Variants in PARP6 observed in about 807,000 individuals in gnomAD.
PARP6 encodes the protein protein mono-ADP-ribosyltransferase PARP6.
A neutral mutation model predicts 92.0 loss-of-function variants in PARP6; 27 were observed. That is an observed-to-expected ratio of 0.29 (90% CI 0.22 to 0.40). PARP6 has a LOEUF of 0.40. Ranked by LOEUF, PARP6 falls within the 10% of genes least tolerant of loss-of-function variation. The pLI, the probability that PARP6 is intolerant of heterozygous loss-of-function variation, is 1.00. For missense variants in PARP6, 501 were observed against 784.5 expected, an observed-to-expected ratio of 0.64 and a Z score of 4.32; for synonymous variants, 272 against 281.2, an observed-to-expected ratio of 0.97 and a Z score of 0.33.
intron 2 of PARP6, among the ~76,000 whole-genome samples, chr15:72,268,078 G>A (rs2086845902): frequency 1.3e-5 from 2 of 152,212 alleles, no homozygotes; most frequent in Admixed American, 6.5e-5. Context: ...TATACATACA[G>A]ATACTTGCAT....
At chr15:72,268,794 T>A (rs916905874) in intron 2 of PARP6, among the ~76,000 whole-genome samples, 1 of 152,228 alleles carries the variant, frequency 6.6e-6, no homozygotes, top group African/African-American at 2.4e-5. Context: ...TCTTGGAACC[T>A]GCTTCCCAAA....
Position 72,256,546 on chromosome 15 carries a change from G to A in PARP6, c.1044C>T (p.Ser348=). 1 of 1,591,756 alleles carries A rather than the reference G, an allele frequency of 6.3e-7. No individual in the cohort carries two copies. The highest frequency in any genetic ancestry group is 8.5e-7 in the Non-Finnish European group (1 of 1,170,246). Residue 348 remains serine (S), a synonymous_variant, in exon 14 of 24, where the codon TCC becomes TCT. Coordinates refer to ENST00000569795, the MANE Select transcript of PARP6 (RefSeq NM_001323532.2). ...LVAMCRAALE[S]PRKSIIFEPY... ...GCTCAAAGATGATGCTCTTTCTAGG[G>A]GACTCTAAAGCTGCCCTACACATGG...
intron 7 of PARP6, 71 bp downstream of exon 7, chr15:72,265,010 C>T: frequency 9.9e-7 from 1 of 1,012,514 alleles, no homozygotes; most frequent in East Asian, 2.4e-5. Flanking sequence ...TTTTTTTCTA[C>T]CTCAGTTAAC....
intron 11 of PARP6, among the ~76,000 whole-genome samples, chr15:72,258,479 AGAT>A (rs1380573442): frequency 3.9e-5 from 6 of 152,262 alleles, no homozygotes; most frequent in Non-Finnish European, 8.8e-5. Context: ...GCAAGAAATG[AGAT>A]GATGTCCATG....
At position 72,267,555 on chromosome 15, in the gene PARP6, C is replaced by G; in HGVS notation, c.-78G>C. On this transcript the variant is annotated 5_prime_UTR_variant, in exon 3 of 24. Transcript: ENST00000569795. ...ATACCACTAGCCGAACCAAGGCCAA[C>G]GAGATGGGCATTTAGGAGACCACAA... 1 of 1,505,056 alleles carries G rather than the reference C, an allele frequency of 6.6e-7. No individual in the cohort carries two copies. The allele number at this position is 1,505,056 out of a possible 1,614,324, so 93.2% of individuals were successfully genotyped here. A position where few individuals can be genotyped will look rare whatever the true frequency, so the allele number is the denominator to read the frequency against.
In PARP6 at chr15:72,242,556, T is replaced by C; in HGVS notation, c.1641+64A>G. 1 of 1,096,860 alleles carries C rather than the reference T, an allele frequency of 9.1e-7. No individual in the cohort carries two copies. The highest frequency in any genetic ancestry group is 1.7e-5 in the Admixed American group (1 of 59,320). 67.9% of individuals were successfully genotyped at this position (1,096,860 alleles called of 1,614,324 possible). ...CCATTCTCACCCCACTGTTTCCCTGTCCAGCTCTGGAGCCTAAATTAGCCC... is the reference window on the plus strand; with the variant it reads ...CCATTCTCACCCCACTGTTTCCCTGCCCAGCTCTGGAGCCTAAATTAGCCC... On this transcript the variant is annotated intron_variant, in intron 21 of 23. Transcript: ENST00000569795. The surrounding 1 kb of genome is among the most constrained non-coding windows in gnomAD (Gnocchi z 4.3).
rs1002850158 is a variant in PARP6 at position 72,253,749 on chromosome 15, C to T, written c.1192-245G>A. 13 of 653,478 alleles carry T rather than the reference C, an allele frequency of 2.0e-5. No individual in the cohort carries two copies. The African/African-American group carries it at 2.1e-4, about 11-fold the overall frequency. The allele number at this position is 653,478 out of a possible 1,614,324, so 40.5% of individuals were successfully genotyped here. ...GCAGGTGGGTCTCCCTCATTTTATG[C>T]AATTCCTACAGCCCTAAAAAGTTGA... On this transcript the variant is annotated intron_variant, in intron 15 of 23. Transcript: ENST00000569795.
At chr15:72,267,310 A>G in intron 3 of PARP6, 165 bp downstream of exon 3, 1 of 710,986 alleles carries the variant, frequency 1.4e-6, no homozygotes, top group Non-Finnish European at 2.5e-6. Context: ...ACACAAACAC[A>G]CCAAGTAATA....
At chr15:72,259,739 C>T (rs2085610735) in intron 10 of PARP6, 78 bp from the exon 11 acceptor site, 1 of 1,220,020 alleles carries the variant, frequency 8.2e-7, no homozygotes, top group Admixed American at 1.9e-5. Flanking sequence ...TTGCCTATCA[C>T]CTAGGACTCT....
Position 72,242,732 on chromosome 15 carries a change from C to G in PARP6, c.1562-33G>C. 1 of 1,463,170 alleles carries G rather than the reference C, an allele frequency of 6.8e-7. No homozygotes were observed. The highest frequency in any genetic ancestry group is 9.4e-7 in the Non-Finnish European group (1 of 1,059,884). 90.6% of individuals were successfully genotyped at this position (1,463,170 alleles called of 1,614,324 possible). On this transcript the variant is annotated intron_variant, in intron 20 of 23. Coordinates refer to ENST00000569795, the MANE Select transcript of PARP6 (RefSeq NM_001323532.2). The surrounding 1 kb of genome is among the most constrained non-coding windows in gnomAD (Gnocchi z 4.3). ...AGAACAATACACCCACTTCATTTAT[C>G]AAAAATTTACGAAAGTGCCTACTAT...
chr15:72,254,098 G>A (rs2084735473), intron 15 of PARP6: 1 of 477,914 alleles, frequency 2.1e-6, no homozygotes, highest in Non-Finnish European at 4.1e-6. Context: ...GTAGGCCCCT[G>A]TGTCTAGTTC....
At position 72,272,541 on chromosome 15, in the gene PARP6, G is replaced by A. The variant is rs1039613753; in HGVS notation, c.-608C>T. 9.9e-5 allele frequency: 15 copies of A among 150,992 alleles called. No individual in the cohort carries two copies. The highest frequency in any genetic ancestry group is 3.1e-4 in the African/African-American group (13 of 41,384). The allele number at this position is 150,992 out of a possible 1,614,324, so 9.4% of individuals were successfully genotyped here. A position where few individuals can be genotyped will look rare whatever the true frequency, so the allele number is the denominator to read the frequency against. ...CGCGCGCGGCCGCAGCCGACGGGAC[G>A]AGCGGCCCGGGACGCCCCGCGGGGG... On this transcript the variant is annotated 5_prime_UTR_variant, in exon 1 of 24. Transcript: ENST00000569795.
At chr15:72,248,229 C>A (rs559440637) in intron 20 of PARP6, among the ~76,000 whole-genome samples, 2 of 152,036 alleles carry the variant, frequency 1.3e-5, no homozygotes, top group South Asian at 4.2e-4. Flanking sequence ...ATCTATTGTA[C>A]CTATTTTTAT....
chr15:72,267,379 G>C, intron 3 of PARP6, 96 bp downstream of exon 3: 1 of 1,348,194 alleles, frequency 7.4e-7, no homozygotes, highest in Non-Finnish European at 1.1e-6. Flanking sequence ...TCTTCCAAAA[G>C]GGTAGAAGGG....
At chr15:72,261,854 T>C in intron 8 of PARP6, 147 bp from the exon 9 acceptor site, 1 of 750,354 alleles carries the variant, frequency 1.3e-6, no homozygotes, top group Non-Finnish European at 2.2e-6. Flanking sequence ...CCCCTTTAAA[T>C]GACCTTAGTA....
At position 72,260,553 on chromosome 15, in the gene PARP6, G is replaced by A; in HGVS notation, c.681C>T (p.Tyr227=). Residue 227 remains tyrosine (Y), a synonymous_variant, in exon 10 of 24, where the codon TAC becomes TAT. Coordinates refer to ENST00000569795, the MANE Select transcript of PARP6 (RefSeq NM_001323532.2). ...MKNPKVEVFG[Y]PPSPQAGLLC... Reference sequence around the variant, plus strand: ...GGAGACCTGCCTGGGGGCTGGGAGGGTAGCCAAACACTTCCACTTTGGGGT... The same window carrying A: ...GGAGACCTGCCTGGGGGCTGGGAGGATAGCCAAACACTTCCACTTTGGGGT... The A allele has an allele frequency of 4.3e-6, 7 of 1,614,208 alleles. No individual in the cohort carries two copies. Among genetic ancestry groups the A allele is most frequent in the Non-Finnish European group, 5.1e-6 (6 of 1,180,038 alleles).
chr15:72,259,626 C>T lies in PARP6; in HGVS notation c.792G>A (p.Glu264=). The T allele has an allele frequency of 6.2e-7, 1 of 1,614,100 alleles. No individual in the cohort carries two copies. Among genetic ancestry groups the T allele is most frequent in the Non-Finnish European group, 8.5e-7 (1 of 1,179,968 alleles). The change falls in exon 11 of 24, where the codon GAG becomes GAA. Residue 264 remains glutamate (E), a synonymous_variant. Coordinates refer to ENST00000569795, the MANE Select transcript of PARP6 (RefSeq NM_001323532.2). ...TGATTACCTGAACGAGGAATCCATA[C>T]TCCAGAGTGGGAATGTTCTTGCAGT... ...SGHCKNIPTL[E]YGFLVQIMKY...
chr15:72,250,229 T>C (rs1452286051), intron 18 of PARP6, 137 bp from the exon 19 acceptor site: 3 of 662,892 alleles, frequency 4.5e-6, no homozygotes, highest in African/African-American at 1.8e-5. Flanking sequence ...GACATGCACA[T>C]GGATACAGTC....
chr15:72,264,119 A>G (rs2086248236), intron 8 of PARP6, among the ~76,000 whole-genome samples: 1 of 152,150 alleles, frequency 6.6e-6, no homozygotes. Context: ...CACCTGTATT[A>G]GAATATGTAT....
Sources: gnomAD v4.1 joint callset for allele counts (sites outside exome capture counted in the v4.1 genomes callset) on GRCh38, gnomAD v4.1.1 for gene constraint, Gnocchi (gnomAD v3.1) non-coding constraint, MANE v1.5 for transcripts, NCBI Gene and HGNC (gene_info 2026-07-23, HGNC 2026-07-21) for gene names.